Variants in ADGRG5 observed in about 807,000 individuals in gnomAD.
The protein encoded by ADGRG5 is adhesion G protein-coupled receptor G5.
ADGRG5 carries 37 observed loss-of-function variants against 53.2 expected under a neutral mutation model. That is an observed-to-expected ratio of 0.70 (90% confidence interval 0.53 to 0.91). ADGRG5 has a LOEUF of 0.91. Among genes scored for constraint, ADGRG5 ranks in the 40% least tolerant of loss-of-function variants. ADGRG5 has a pLI of 0.00. For synonymous variants in ADGRG5, 277 were observed against 290.4 expected (o/e 0.95, Z 0.47); for missense variants, 614 against 675.8 (o/e 0.91, Z 1.01).
At chr16:57,562,528 G>A in intron 3 of ADGRG5, 69 bp downstream of exon 3, 1 of 1,027,634 alleles carries the variant, frequency 9.7e-7, no homozygotes, top group Admixed American at 2.4e-5. Flanking sequence ...GTCTAATGTA[G>A]ACTCTTAACT....
intron 1 of ADGRG5, among the ~76,000 whole-genome samples, chr16:57,549,492 C>T (rs1009236034): frequency 3.3e-5 from 5 of 152,226 alleles, no homozygotes; most frequent in Admixed American, 6.5e-5. Context: ...CATCAGTTCT[C>T]TTGCCCTCCC....
intron 1 of ADGRG5, among the ~76,000 whole-genome samples, chr16:57,544,237 C>T (rs553558466): frequency 2.6e-5 from 4 of 152,102 alleles, no homozygotes; most frequent in Non-Finnish European, 4.4e-5. Context: ...ACGCAGTATT[C>T]GGTTTCCCCA....
chr16:57,548,557 T>C (rs1418401315), intron 1 of ADGRG5, among the ~76,000 whole-genome samples: 1 of 152,164 alleles, frequency 6.6e-6, no homozygotes, highest in African/African-American at 2.4e-5. Context: ...GACACAGAAC[T>C]GTTCCATCGC....
chr16:57,533,681 G>A, the ADGRG5 span, among the ~76,000 whole-genome samples: 11 of 147,150 alleles, frequency 7.5e-5, no homozygotes, highest in African/African-American at 2.8e-4. Flanking sequence ...CTCACACACA[G>A]CCCCAGTAAC....
intron 1 of ADGRG5, among the ~76,000 whole-genome samples, chr16:57,561,322 A>G (rs1313319845): frequency 2.0e-5 from 3 of 151,770 alleles, no homozygotes; most frequent in African/African-American, 7.3e-5. Flanking sequence ...TTTCTTTCCC[A>G]TTGTTCTGTC....
intron 2 of ADGRG5, 30 bp downstream of exon 2, chr16:57,562,187 C>T: frequency 6.4e-7 from 1 of 1,573,702 alleles, no homozygotes. Flanking sequence ...CTGGGGGCAG[C>T]CCTAGCCCAG....
intron 1 of ADGRG5, among the ~76,000 whole-genome samples, chr16:57,559,879 C>T (rs2032962877): frequency 6.6e-6 from 1 of 152,084 alleles, no homozygotes; most frequent in Admixed American, 6.5e-5. Flanking sequence ...TAAAAAAACT[C>T]CTGTTCAATG....
chr16:57,542,235 T>G (rs1305636948), upstream of ADGRG5, among the ~76,000 whole-genome samples: 1 of 152,212 alleles, frequency 6.6e-6, no homozygotes, highest in Non-Finnish European at 1.5e-5. Flanking sequence ...TTTGCCATCA[T>G]CAATATGCCA....
In ADGRG5 at chr16:57,574,014, G is replaced by A. The variant is rs988418471; in HGVS notation, c.1209-801G>A. On this transcript the variant is annotated intron_variant, in intron 10 of 11. Coordinates refer to ENST00000349457, the MANE Select transcript of ADGRG5 (RefSeq NM_001304376.3). This position sits in a 1 kb window ranked among gnomAD's most constrained non-coding sequence, Gnocchi z 4.4. ...TGAGATTACAGGCATGAGCCACCGC[G>A]CCTGGCCTCCATTTGATTTAGTTCT... Among the ~76,000 whole-genome samples, 4 of 152,208 alleles carry A rather than the reference G, an allele frequency of 2.6e-5. No homozygotes were observed. The highest frequency in any genetic ancestry group is 9.6e-5 in the African/African-American group (4 of 41,462).
chr16:57,553,028 C>T (rs2032790232), intron 1 of ADGRG5, among the ~76,000 whole-genome samples: 1 of 152,134 alleles, frequency 6.6e-6, no homozygotes, highest in South Asian at 2.1e-4. Context: ...AGTTTGCCAT[C>T]TTATATGGGC....
intron 1 of ADGRG5, among the ~76,000 whole-genome samples, chr16:57,560,769 A>G (rs1016996): frequency 0.51 from 77,513 of 151,882 alleles, 22,886 homozygotes; most frequent in African/African-American, 0.81. Flanking sequence ...CACAACCAAC[A>G]AACTCTGTTT....
chr16:57,551,965 C>A (rs1313800637), intron 1 of ADGRG5, among the ~76,000 whole-genome samples: 5 of 152,124 alleles, frequency 3.3e-5, no homozygotes, highest in African/African-American at 9.7e-5. Flanking sequence ...CCTTGTGCAT[C>A]TCCATCAGAG....
At chr16:57,530,704 C>T in the ADGRG5 span, among the ~76,000 whole-genome samples, 2 of 152,166 alleles carry the variant, frequency 1.3e-5, no homozygotes, top group South Asian at 2.1e-4. Context: ...TCCCTCCTGC[C>T]AGTCCCACCC....
intron 9 of ADGRG5, among the ~76,000 whole-genome samples, chr16:57,568,352 C>T (rs2033205811): frequency 6.6e-6 from 1 of 151,788 alleles, no homozygotes; most frequent in Admixed American, 6.6e-5. Flanking sequence ...ATCACCTCCT[C>T]CACCTTCATT....
intron 1 of ADGRG5, among the ~76,000 whole-genome samples, chr16:57,555,329 G>A (rs2032857832): frequency 6.6e-6 from 1 of 152,140 alleles, no homozygotes; most frequent in South Asian, 2.1e-4. Context: ...CCCCCATACT[G>A]CTCTCGTGAT....
chr16:57,567,969 C>T lies in ADGRG5; in HGVS notation c.935C>T (p.Ser312Leu). The T allele has an allele frequency of 6.2e-7, 1 of 1,613,996 alleles. No individual in the cohort carries two copies. Among genetic ancestry groups the T allele is most frequent in the African/African-American group, 1.3e-5 (1 of 75,008 alleles). The change falls in exon 9 of 12, where the codon TCA becomes TTA. Residue 312 changes from serine (S) to leucine (L), a missense_variant. By Grantham distance (145) the Ser-to-Leu change is moderately radical. Coordinates refer to ENST00000349457, the MANE Select transcript of ADGRG5 (RefSeq NM_001304376.3). ...PAFAMSPVPG[S>L]ACTALAAALH... ...TTCGCAATGTCTCCTGTGCCCGGGTCAGCATGCACGGCTCTGGCCGCTGCC... is the reference window on the plus strand; with the variant it reads ...TTCGCAATGTCTCCTGTGCCCGGGTTAGCATGCACGGCTCTGGCCGCTGCC...
the ADGRG5 span, among the ~76,000 whole-genome samples, chr16:57,535,203 C>T: frequency 1.3e-5 from 2 of 152,238 alleles, no homozygotes; most frequent in East Asian, 3.8e-4. Flanking sequence ...TCCCTGTGAC[C>T]TGCTGCCCAG....
rs1567623112 is a variant in ADGRG5 at position 57,568,140 on chromosome 16, C to T, written c.1090+16C>T. ...CTAGGCTGGGGTAAGCACATCATCT[C>T]TCCTCGCCTCCTCAGACTTCCAGGT... is the stretch of plus-strand genomic sequence containing the variant. On this transcript the variant is annotated intron_variant, in intron 9 of 11. Coordinates refer to ENST00000349457, the MANE Select transcript of ADGRG5 (RefSeq NM_001304376.3). The T allele has an allele frequency of 6.2e-7, 1 of 1,611,542 alleles. No individual in the cohort carries two copies. Among genetic ancestry groups the T allele is most frequent in the Admixed American group, 1.7e-5 (1 of 59,966 alleles).
intron 4 of ADGRG5, 118 bp from the exon 5 acceptor site, chr16:57,563,730 A>G (rs1470834767): frequency 2.3e-6 from 3 of 1,288,478 alleles, no homozygotes; most frequent in African/African-American, 1.5e-5. Flanking sequence ...CTGGGGGGAG[A>G]AGGTTCTGTG....
Sources: gnomAD v4.1 joint callset for allele counts (sites outside exome capture counted in the v4.1 genomes callset) on GRCh38, gnomAD v4.1.1 for gene constraint, Gnocchi (gnomAD v3.1) non-coding constraint, MANE v1.5 for transcripts, NCBI Gene and HGNC (gene_info 2026-07-23, HGNC 2026-07-21) for gene names.